Variants in FAM135A observed in about 807,000 individuals in gnomAD.
The protein encoded by FAM135A is protein FAM135A.
Under a neutral mutation model 146.8 loss-of-function variants are expected in FAM135A, and 79 were observed. That is an observed-to-expected ratio of 0.54 (90% CI 0.45 to 0.65). The LOEUF (loss-of-function observed/expected upper bound fraction) is 0.65. FAM135A is among the 30% of genes least tolerant of loss of function. The pLI is 0.00. For synonymous variants in FAM135A, 562 were observed against 603.6 expected (o/e 0.93, Z 1.01); for missense variants, 1,623 against 1,758.2 (o/e 0.92, Z 1.38).
chr6:70,542,248 G>GCACACACACACACACACACACACACACA, intron 20 of FAM135A, among the ~76,000 whole-genome samples: 1 of 141,852 alleles, frequency 7.0e-6, no homozygotes, highest in African/African-American at 2.9e-5. Context: ...TTTTTATCCT[G>GCACACACACACACACACACACACACACA]CACACACACA....
intron 2 of FAM135A, among the ~76,000 whole-genome samples, chr6:70,425,095 T>C (rs1355030906): frequency 6.7e-6 from 1 of 148,626 alleles, no homozygotes; most frequent in Non-Finnish European, 1.5e-5. Flanking sequence ...TCTATATATC[T>C]AATATATATT....
chr6:70,496,936 G>A (rs1024815363), intron 11 of FAM135A, among the ~76,000 whole-genome samples: 20 of 152,152 alleles, frequency 1.3e-4, no homozygotes, highest in African/African-American at 3.6e-4. Context: ...AAGTCTGGTA[G>A]CGTTATGCCT....
At chr6:70,463,415 T>A (rs1283229589) in intron 5 of FAM135A, among the ~76,000 whole-genome samples, 1 of 132,256 alleles carries the variant, frequency 7.6e-6, no homozygotes, top group Admixed American at 7.3e-5. Context: ...CACACTGGCC[T>A]AATTAAAAAA....
In FAM135A at chr6:70,477,166, G is replaced by A; in HGVS notation, c.376G>A (p.Asp126Asn). Residue 126 changes from aspartate (D) to asparagine (N), a missense_variant, in exon 8 of 22, where the codon GAT becomes AAT. Around this residue, in one of 7 missense-constraint regions of FAM135A, gnomAD observed 171 missense variants for 164.9 expected, o/e 1.04. Transcript: ENST00000418814. ...AAGTGTTCCTTTTTACAGGGCAGAT[G>A]ATCTGAATGCCTTGCAACTAATAAG... The part of the protein sequence containing the change: ...HFTDGDYSAD[D>N]LNALQLISSR... 6.2e-7 allele frequency: 1 copy of A among 1,612,888 alleles called. No homozygotes were observed. Among genetic ancestry groups the A allele is most frequent in the Non-Finnish European group, 8.5e-7 (1 of 1,179,344 alleles).
chr6:70,423,859 T>A (rs1371659118), intron 2 of FAM135A, among the ~76,000 whole-genome samples: 1 of 152,162 alleles, frequency 6.6e-6, no homozygotes, highest in Non-Finnish European at 1.5e-5. Flanking sequence ...CCAAGCTCAC[T>A]GAGAGGCACA....
Position 70,524,865 on chromosome 6 carries a change from A to G in FAM135A, c.1781A>G (p.Gln594Arg), listed in dbSNP as rs1278370728. 4 of 1,608,438 alleles carry G rather than the reference A, an allele frequency of 2.5e-6. No individual in the cohort carries two copies. In the Admixed American group the frequency reaches 6.7e-5, roughly 27 times the overall value. Residue 594 changes from glutamine to arginine, a missense_variant, in exon 15 of 22, where the codon CAA (glutamine) becomes CGA (arginine). Transcript: ENST00000418814. ...AAGTCTCCAGATATTGAAAATGTTC[A>G]ACCAGACCAGTTTGATCCTTTGAAC... The part of the protein sequence containing the change: ...EQKSPDIENV[Q>R]PDQFDPLNSG...
chr6:70,435,196 T>G (rs1321862214), intron 4 of FAM135A, among the ~76,000 whole-genome samples: 1 of 150,328 alleles, frequency 6.7e-6, no homozygotes, highest in East Asian at 2.0e-4. Context: ...CTCTGCCTTC[T>G]GGGTTCAAGC....
chr6:70,459,468 CAA>C, intron 5 of FAM135A, among the ~76,000 whole-genome samples: 1 of 152,174 alleles, frequency 6.6e-6, no homozygotes, highest in East Asian at 1.9e-4. Context: ...TCATGAAAGA[CAA>C]TGAGTATTTA....
intron 16 of FAM135A, among the ~76,000 whole-genome samples, chr6:70,529,011 C>T (rs1473141197): frequency 6.6e-6 from 1 of 151,850 alleles, no homozygotes; most frequent in Non-Finnish European, 1.5e-5. Flanking sequence ...TGCAAAGGAC[C>T]TGAGCTCAGT....
At chr6:70,481,252 G>C (rs1484432656) in intron 9 of FAM135A, among the ~76,000 whole-genome samples, 1 of 152,198 alleles carries the variant, frequency 6.6e-6, no homozygotes, top group Non-Finnish European at 1.5e-5. Context: ...ATCTGTGACA[G>C]CCTGTGCCCT....
At chr6:70,459,838 A>G (rs1779088993) in intron 5 of FAM135A, among the ~76,000 whole-genome samples, 1 of 152,068 alleles carries the variant, frequency 6.6e-6, no homozygotes, top group Non-Finnish European at 1.5e-5. Context: ...GACAAGCCTG[A>G]CCAACATCGT....
intron 12 of FAM135A, among the ~76,000 whole-genome samples, chr6:70,517,095 CTTAT>C (rs2128315371): frequency 6.6e-6 from 1 of 152,198 alleles, no homozygotes; most frequent in South Asian, 2.1e-4. Context: ...GAACATATTG[CTTAT>C]TTATAGTATA....
At chr6:70,528,222 C>G (rs1375469613) in intron 15 of FAM135A, 70 bp from the exon 16 acceptor site, 2 of 1,424,322 alleles carry the variant, frequency 1.4e-6, no homozygotes, top group Non-Finnish European at 1.9e-6. Flanking sequence ...CTACAATTCT[C>G]TAAATTCAGG....
At chr6:70,444,521 C>T (rs1316622652) in intron 4 of FAM135A, among the ~76,000 whole-genome samples, 1 of 152,012 alleles carries the variant, frequency 6.6e-6, no homozygotes, top group Non-Finnish European at 1.5e-5. Context: ...GCCATGGTTG[C>T]ACCACTGTAC....
rs570971574 is a variant in FAM135A, at chr6:70,448,731, G to A, written c.78-3761G>A. ...GCCAGTCATTAGCATTGTTTCTATG[G>A]ATATTAGATTAACTAAAAGTATCCC... On this transcript the variant is annotated intron_variant, in intron 4 of 21. Transcript: ENST00000418814. Among the ~76,000 whole-genome samples, 4 of 152,300 alleles carry A rather than the reference G, an allele frequency of 2.6e-5. No homozygotes were observed. In the South Asian group the frequency reaches 8.3e-4, roughly 32 times the overall value.
chr6:70,429,563 T>C (rs1445723840), intron 4 of FAM135A, among the ~76,000 whole-genome samples: 1 of 151,856 alleles, frequency 6.6e-6, no homozygotes, highest in African/African-American at 2.4e-5. Flanking sequence ...TTTAGGAAAT[T>C]GGATATTTTC....
intron 8 of FAM135A, 113 bp from the exon 9 acceptor site, chr6:70,480,788 T>A: frequency 1.0e-6 from 1 of 994,732 alleles, no homozygotes; most frequent in Middle Eastern, 2.6e-4. Context: ...TTTGAACTTA[T>A]AAACTTGCAA....
intron 12 of FAM135A, among the ~76,000 whole-genome samples, chr6:70,506,293 A>G (rs1789751190): frequency 6.6e-6 from 1 of 152,144 alleles, no homozygotes; most frequent in Non-Finnish European, 1.5e-5. Context: ...ACTCAGGCAA[A>G]GTTTTCTTGA....
chr6:70,485,106 G>C, intron 10 of FAM135A, among the ~76,000 whole-genome samples: 1 of 152,082 alleles, frequency 6.6e-6, no homozygotes. Flanking sequence ...TTTTAAATAA[G>C]TATATGATAG....
Sources: gnomAD v4.1 joint callset for allele counts (sites outside exome capture counted in the v4.1 genomes callset) on GRCh38, gnomAD v4.1.1 for gene constraint, gnomAD v4.1.1 regional missense constraint, MANE v1.5 for transcripts, NCBI Gene and HGNC (gene_info 2026-07-23, HGNC 2026-07-21) for gene names.